Variants in UBE2G1 observed in about 807,000 individuals in gnomAD.
UBE2G1 encodes ubiquitin-conjugating enzyme E2 G1.
A neutral mutation model predicts 22.7 loss-of-function variants in UBE2G1; 5 were observed. That is an observed-to-expected ratio of 0.22 (90% CI 0.12 to 0.46). The LOEUF (loss-of-function observed/expected upper bound fraction) is 0.46. Among genes scored for constraint, UBE2G1 ranks in the 20% least tolerant of loss-of-function variants. The pLI is 0.99. For synonymous variants in UBE2G1, 74 were observed against 67.5 expected (o/e 1.10, Z -0.47); for missense variants, 88 against 203.9 (o/e 0.43, Z 3.46).
chr17:4,285,943 A>G (rs966165193), intron 4 of UBE2G1, among the ~76,000 whole-genome samples: 2 of 149,912 alleles, frequency 1.3e-5, no homozygotes, highest in Non-Finnish European at 3.0e-5. Flanking sequence ...GAGCGAGACT[A>G]CATCTTTAAA....
intron 1 of UBE2G1, among the ~76,000 whole-genome samples, chr17:4,308,042 T>C (rs918370256): frequency 6.6e-6 from 1 of 152,178 alleles, no homozygotes; most frequent in African/African-American, 2.4e-5. Flanking sequence ...TGACATTCAG[T>C]GAACTGCACA....
At chr17:4,299,331 G>A (rs1298325438) in intron 2 of UBE2G1, among the ~76,000 whole-genome samples, 2 of 152,116 alleles carry the variant, frequency 1.3e-5, no homozygotes, top group Non-Finnish European at 2.9e-5. Flanking sequence ...CCTGGGAGGT[G>A]GAGGGTGCAG....
intron 1 of UBE2G1, among the ~76,000 whole-genome samples, chr17:4,362,854 G>A (rs1363318858): frequency 6.6e-6 from 1 of 152,098 alleles, no homozygotes; most frequent in Non-Finnish European, 1.5e-5. Context: ...AGGTGGTGGT[G>A]GCTCACACTT....
chr17:4,319,607 C>T (rs1421032805), intron 1 of UBE2G1, among the ~76,000 whole-genome samples: 1 of 151,972 alleles, frequency 6.6e-6, no homozygotes, highest in Non-Finnish European at 1.5e-5. Context: ...TGGCGGCAAG[C>T]GCCTGTGGTG....
At chr17:4,357,536 A>G (rs1357549104) in intron 1 of UBE2G1, among the ~76,000 whole-genome samples, 1 of 131,400 alleles carries the variant, frequency 7.6e-6, no homozygotes, top group Non-Finnish European at 1.6e-5. Flanking sequence ...GTATAACTCT[A>G]TGCAATTTTA....
chr17:4,280,823 T>TG (rs1394089427), intron 5 of UBE2G1, among the ~76,000 whole-genome samples: 2 of 151,792 alleles, frequency 1.3e-5, no homozygotes, highest in Non-Finnish European at 1.5e-5. Context: ...TTAGTAGAGA[T>TG]GGGGTTTCAC....
At chr17:4,283,223 G>C (rs998996975) in intron 4 of UBE2G1, among the ~76,000 whole-genome samples, 8 of 152,302 alleles carry the variant, frequency 5.3e-5, no homozygotes, top group African/African-American at 1.9e-4. Flanking sequence ...ATACCAATAA[G>C]ACATTCAGGC....
At chr17:4,366,202 G>T in intron 1 of UBE2G1, 69 bp downstream of exon 1, 1 of 1,460,886 alleles carries the variant, frequency 6.8e-7, no homozygotes, top group Non-Finnish European at 9.0e-7. Flanking sequence ...CCCGGGAGGA[G>T]AAGAGGGACT....
chr17:4,293,234 A>C (rs1010516455), intron 3 of UBE2G1, among the ~76,000 whole-genome samples: 3 of 152,168 alleles, frequency 2.0e-5, no homozygotes, highest in Admixed American at 2.0e-4. Context: ...GGAATCGTAC[A>C]CTATGTCACC....
chr17:4,315,164 T>G (rs889003204), intron 1 of UBE2G1, among the ~76,000 whole-genome samples: 2 of 152,020 alleles, frequency 1.3e-5, no homozygotes, highest in African/African-American at 4.8e-5. Flanking sequence ...CTAAGATAGG[T>G]GAAACGAGGC....
intron 5 of UBE2G1, among the ~76,000 whole-genome samples, chr17:4,279,611 TA>T (rs1465992426): frequency 2.6e-5 from 4 of 151,534 alleles, no homozygotes; most frequent in African/African-American, 9.7e-5. Flanking sequence ...TCACCTGCAT[TA>T]AAATTAAGAA....
At chr17:4,299,304 TAGG>T (rs1294351987) in intron 2 of UBE2G1, among the ~76,000 whole-genome samples, 1 of 151,866 alleles carries the variant, frequency 6.6e-6, no homozygotes, top group Non-Finnish European at 1.5e-5. Flanking sequence ...GAGGCTGAGG[TAGG>T]AGAATTGTTG....
At chr17:4,311,350 A>G (rs1378015827) in intron 1 of UBE2G1, among the ~76,000 whole-genome samples, 1 of 152,220 alleles carries the variant, frequency 6.6e-6, no homozygotes, top group Non-Finnish European at 1.5e-5. Context: ...TCCACACAGC[A>G]AGTTGTACAT....
At chr17:4,275,429 T>C (rs1288226750) in intron 5 of UBE2G1, among the ~76,000 whole-genome samples, 1 of 152,228 alleles carries the variant, frequency 6.6e-6, no homozygotes, top group Non-Finnish European at 1.5e-5. Context: ...ATTATATCAA[T>C]TGCACCTGTC....
rs145490753 is a variant in UBE2G1, at chr17:4,299,998, T to C, written c.150-3184A>G. On this transcript the variant is annotated intron_variant, in intron 2 of 5. Transcript: ENST00000396981. ...CACACCACCACGTCCCGCTAATTTT[T>C]GTATCTTTAGTAGAGACGGGGTTTC... is the stretch of plus-strand genomic sequence containing the variant. Among the ~76,000 whole-genome samples, 279 of 151,964 alleles carry C rather than the reference T, an allele frequency of 1.8e-3. 10 individuals are homozygous for C. The East Asian group carries it at 0.047, about 26-fold the overall frequency.
rs189807514 is a variant in UBE2G1 at position 4,332,743 on chromosome 17, A to G, written c.47-25620T>C. Reference sequence around the variant, plus strand: ...GCTAACCGCTCTGCCACCTCCCTCCAGCGTTCAGGTCAGCCCCATTTCAGG... The same window carrying G: ...GCTAACCGCTCTGCCACCTCCCTCCGGCGTTCAGGTCAGCCCCATTTCAGG... On this transcript the variant is annotated intron_variant, in intron 1 of 5. Transcript: ENST00000396981. Among the ~76,000 whole-genome samples, 17 of 152,212 alleles carry G rather than the reference A, an allele frequency of 1.1e-4. No homozygotes were observed. In the East Asian group the frequency reaches 3.3e-3, roughly 29 times the overall value.
At chr17:4,353,331 A>T (rs2143820249) in intron 1 of UBE2G1, among the ~76,000 whole-genome samples, 1 of 152,158 alleles carries the variant, frequency 6.6e-6, no homozygotes, top group South Asian at 2.1e-4. Context: ...GAAAAGAAAA[A>T]TATGTAAGAA....
chr17:4,353,462 TACACACAC>T (rs150917099), intron 1 of UBE2G1, among the ~76,000 whole-genome samples: 1 of 148,122 alleles, frequency 6.8e-6, no homozygotes, highest in African/African-American at 2.5e-5. Context: ...TATATATATA[TACACACAC>T]ACACACACAC....
chr17:4,289,536 G>T, intron 3 of UBE2G1, 128 bp from the exon 4 acceptor site: 2 of 1,044,500 alleles, frequency 1.9e-6, no homozygotes, highest in South Asian at 2.1e-5. Context: ...AGAAGTTAAT[G>T]TCCAAAATGC....
Sources: gnomAD v4.1 joint callset for allele counts (sites outside exome capture counted in the v4.1 genomes callset) on GRCh38, gnomAD v4.1.1 for gene constraint, MANE v1.5 for transcripts, NCBI Gene and HGNC (gene_info 2026-07-23, HGNC 2026-07-21) for gene names.